Variants in BAIAP2L2 observed in about 807,000 individuals in gnomAD.
BAIAP2L2 encodes BAR/IMD domain containing adaptor protein 2 like 2.
BAIAP2L2 carries 65 observed loss-of-function variants against 60.4 expected under a neutral mutation model. That is an observed-to-expected ratio of 1.08 (90% CI 0.88 to 1.32). The LOEUF is 1.32. BAIAP2L2 is among the 40% of genes most tolerant of loss of function. The pLI is 0.00. For missense variants in BAIAP2L2, 836 were observed against 741.2 expected (o/e 1.13, Z -1.48); for synonymous variants, 344 against 301.7 (o/e 1.14, Z -1.45).
chr22:38,085,032 G>A lies in BAIAP2L2; in HGVS notation c.*268C>T. Reference sequence around the variant, plus strand: ...GGGGGAAAGAGGTTAGGGGGCAAGAGGTGGGCCCCCCAGGGAGAGTCCTGG... The same window carrying A: ...GGGGGAAAGAGGTTAGGGGGCAAGAAGTGGGCCCCCCAGGGAGAGTCCTGG... On this transcript the variant is annotated 3_prime_UTR_variant, in exon 14 of 14. Transcript: ENST00000381669. The A allele has an allele frequency of 2.2e-6, 1 of 449,546 alleles. No individual in the cohort carries two copies. The highest frequency in any genetic ancestry group is 2.4e-5 in the South Asian group (1 of 41,126). The allele number at this position is 449,546 out of a possible 1,614,324, so 27.8% of individuals were successfully genotyped here. A position where few individuals can be genotyped will look rare whatever the true frequency, so the allele number is the denominator to read the frequency against.
chr22:38,087,097 C>T, intron 11 of BAIAP2L2, 27 bp downstream of exon 11: 1 of 1,517,690 alleles, frequency 6.6e-7, no homozygotes, highest in Admixed American at 2.4e-5. Context: ...GTCCTCACCC[C>T]CGCCCCACCC....
At chr22:38,102,202 C>G (rs946351214) in intron 4 of BAIAP2L2, among the ~76,000 whole-genome samples, 3 of 152,072 alleles carry the variant, frequency 2.0e-5, no homozygotes, top group Non-Finnish European at 4.4e-5. Flanking sequence ...CTGGAGTAGT[C>G]GAGCCTCTAG....
rs780915187 is a variant in BAIAP2L2 at position 38,088,747 on chromosome 22, C to T, written c.1118+1G>A. On this transcript the variant is annotated splice_donor_variant, in intron 10 of 13. Transcript: ENST00000381669. LOFTEE classifies it high-confidence loss of function. ...CCGGCCCCTCCAAGGCTCCCACTCA[C>T]GCGGACGAGCCCTCCAGCTTGCCGT... 1.6e-5 allele frequency: 25 copies of T among 1,595,430 alleles called. No individual in the cohort carries two copies. The highest frequency in any genetic ancestry group is 4.5e-5 in the East Asian group (2 of 44,622).
chr22:38,087,536 G>A (rs2086131714), intron 10 of BAIAP2L2, among the ~76,000 whole-genome samples: 1 of 152,030 alleles, frequency 6.6e-6, no homozygotes, highest in South Asian at 2.1e-4. Context: ...CATCTAGAAG[G>A]TTCTATCCTC....
At chr22:38,089,854 A>G (rs112701598) in intron 7 of BAIAP2L2, among the ~76,000 whole-genome samples, 180 bp from the exon 8 acceptor site, 69 of 152,118 alleles carry the variant, frequency 4.5e-4, no homozygotes, top group African/African-American at 1.5e-3. Context: ...ACTTTTGGCA[A>G]AGGCACCTCC....
chr22:38,099,587 T>C (rs2086522527), intron 4 of BAIAP2L2, among the ~76,000 whole-genome samples: 1 of 152,032 alleles, frequency 6.6e-6, no homozygotes, highest in Non-Finnish European at 1.5e-5. Context: ...CTCTGAGAGC[T>C]TGATGAGCTT....
At chr22:38,087,312 G>A in intron 10 of BAIAP2L2, 48 bp from the exon 11 acceptor site, 1 of 1,565,684 alleles carries the variant, frequency 6.4e-7, no homozygotes, top group Non-Finnish European at 8.6e-7. Flanking sequence ...CCAGGCCTGG[G>A]GACAATGACC....
At chr22:38,087,290 G>A in intron 10 of BAIAP2L2, 26 bp from the exon 11 acceptor site, 2 of 1,585,614 alleles carry the variant, frequency 1.3e-6, no homozygotes, top group South Asian at 2.3e-5. Flanking sequence ...AGAGGACAAT[G>A]ACCAAAAGAA....
chr22:38,093,576 A>AG (rs1478651195), intron 7 of BAIAP2L2, among the ~76,000 whole-genome samples: 2 of 152,264 alleles, frequency 1.3e-5, no homozygotes, highest in African/African-American at 4.8e-5. Context: ...CTTCCAAAGA[A>AG]GATCTATAAA....
At chr22:38,107,036 G>T (rs2086679056) in intron 4 of BAIAP2L2, among the ~76,000 whole-genome samples, 1 of 152,122 alleles carries the variant, frequency 6.6e-6, no homozygotes, top group Admixed American at 6.6e-5. Context: ...ATTAATTCAC[G>T]TCATCCTCTC....
chr22:38,103,262 T>C (rs2086600879), intron 4 of BAIAP2L2, among the ~76,000 whole-genome samples: 2 of 151,822 alleles, frequency 1.3e-5, no homozygotes, highest in South Asian at 2.1e-4. Flanking sequence ...CCAGCAGCAA[T>C]AGAAATAAAG....
Position 38,110,520 on chromosome 22 carries a change from G to A in BAIAP2L2, c.6C>T (p.Ala2=). The change falls in exon 1 of 14, where the codon GCC becomes GCT. Residue 2 remains alanine (A), a synonymous_variant. Transcript: ENST00000381669. M[A]PEMDQFYRST... ...ACCTGTAGAACTGGTCCATCTCGGGGGCCATGGAGGGGCTGTCCCGGGTCT... is the reference window on the plus strand; with the variant it reads ...ACCTGTAGAACTGGTCCATCTCGGGAGCCATGGAGGGGCTGTCCCGGGTCT... 1 of 1,610,840 alleles carries A rather than the reference G, an allele frequency of 6.2e-7. No homozygotes were observed. The highest frequency in any genetic ancestry group is 1.7e-4 in the Middle Eastern group (1 of 6,026).
chr22:38,085,416 A>T, intron 13 of BAIAP2L2, 41 bp from the exon 14 acceptor site: 1 of 1,587,266 alleles, frequency 6.3e-7, no homozygotes, highest in Non-Finnish European at 8.6e-7. Flanking sequence ...AGGGCAGATG[A>T]TCCCCACCTG....
chr22:38,109,136 G>T lies in BAIAP2L2; in HGVS notation c.124C>A (p.His42Asn), dbSNP rs750340593. The T allele has an allele frequency of 4.2e-5, 68 of 1,611,994 alleles. No individual in the cohort carries two copies. The highest frequency in any genetic ancestry group is 5.1e-5 in the Non-Finnish European group (60 of 1,179,004). Residue 42 changes from histidine to asparagine, a missense_variant, in exon 2 of 14, where the codon CAC (histidine) becomes AAC (asparagine). Transcript: ENST00000381669. ...YLGNNYLRAF[H>N]ALSEAAEVYF... ...GGTGGCCCGGGCAGGCACTCACCGT[G>T]GAAGGCACGCAGGTAGTTGTTGCCC...
At chr22:38,102,354 A>AC (rs1355594045) in intron 4 of BAIAP2L2, among the ~76,000 whole-genome samples, 2 of 152,174 alleles carry the variant, frequency 1.3e-5, no homozygotes, top group Non-Finnish European at 2.9e-5. Flanking sequence ...AGGAGCATGA[A>AC]CGGAACCAGG....
intron 4 of BAIAP2L2, among the ~76,000 whole-genome samples, chr22:38,103,926 T>C (rs764603871): frequency 8.6e-5 from 13 of 150,542 alleles, no homozygotes; most frequent in Non-Finnish European, 1.6e-4. Context: ...TCAGTAAACG[T>C]AATAATTGCC....
chr22:38,098,103 C>A lies in BAIAP2L2; in HGVS notation c.425G>T (p.Arg142Leu), dbSNP rs530602449. 3 of 1,602,164 alleles carry A rather than the reference C, an allele frequency of 1.9e-6. No homozygotes were observed. Among genetic ancestry groups the A allele is most frequent in the Non-Finnish European group, 2.6e-6 (3 of 1,172,180 alleles). Residue 142 changes from arginine (R) to leucine (L), a missense_variant, in exon 6 of 14, where the codon CGC becomes CTC. Coordinates refer to ENST00000381669, the MANE Select transcript of BAIAP2L2 (RefSeq NM_025045.6). ...NLEKCMSELW[R>L]MERKRDKNVR... Reference sequence around the variant, plus strand: ...GTTCTTGTCTCTCTTGCGCTCCATGCGCCACAGCTCAGACATGCACTTCTC... The same window carrying A: ...GTTCTTGTCTCTCTTGCGCTCCATGAGCCACAGCTCAGACATGCACTTCTC...
chr22:38,103,876 A>G (rs1387609312), intron 4 of BAIAP2L2, among the ~76,000 whole-genome samples: 2 of 151,914 alleles, frequency 1.3e-5, no homozygotes, highest in East Asian at 3.8e-4. Context: ...AAAAAAAAAA[A>G]AAGAAGCTTC....
At chr22:38,094,906 C>G (rs1168212276) in intron 7 of BAIAP2L2, among the ~76,000 whole-genome samples, 2 of 152,086 alleles carry the variant, frequency 1.3e-5, no homozygotes, top group African/African-American at 2.4e-5. Flanking sequence ...AATGCCAGCA[C>G]TTTGGGAGGC....
Sources: gnomAD v4.1 joint callset for allele counts (sites outside exome capture counted in the v4.1 genomes callset) on GRCh38, gnomAD v4.1.1 for gene constraint, MANE v1.5 for transcripts, NCBI Gene and HGNC (gene_info 2026-07-23, HGNC 2026-07-21) for gene names.